The following MGST2 variants were observed in gnomAD, a reference collection of about 807,000 sequenced individuals.
The protein encoded by MGST2 is glutathione peroxidase MGST2.
A neutral mutation model predicts 16.6 loss-of-function variants in MGST2; 9 were observed. That is an observed-to-expected ratio of 0.54 (90% confidence interval 0.33 to 0.95). The LOEUF is 0.95. MGST2 is among the 40% of genes least tolerant of loss of function. The pLI is 0.03. For synonymous variants in MGST2, 79 were observed against 68.0 expected, an observed-to-expected ratio of 1.16 and a Z score of -0.79; for missense variants, 159 against 175.1, an observed-to-expected ratio of 0.91 and a Z score of 0.52.
intron 5 of MGST2, chr4:139,717,684 C>T (rs1728039521): frequency 1.3e-5 from 2 of 152,330 alleles, no homozygotes; most frequent in Admixed American, 1.3e-4. Flanking sequence ...GCCAGTCCAA[C>T]CCCACAGGCT....
intron 5 of MGST2, among the ~76,000 whole-genome samples, chr4:139,710,051 T>C (rs1390788827): frequency 6.6e-6 from 1 of 152,102 alleles, no homozygotes; most frequent in Non-Finnish European, 1.5e-5. Context: ...CCCAAAGAGG[T>C]AGCTCTGTTC....
chr4:139,713,497 A>G (rs13141541), intron 5 of MGST2, among the ~76,000 whole-genome samples: 9 of 149,524 alleles, frequency 6.0e-5, no homozygotes, highest in Admixed American at 1.3e-4. Context: ...AAAAAAAAAA[A>G]GGAGAAAAAT....
At chr4:139,719,543 G>T in intron 5 of MGST2, 1 of 1,613,860 alleles carries the variant, frequency 6.2e-7, no homozygotes. Flanking sequence ...CTGCTGCTGT[G>T]CTGGGGGCTG....
At chr4:139,706,001 C>A (rs1459687772), downstream of MGST2, among the ~76,000 whole-genome samples, 1 of 152,230 alleles carries the variant, frequency 6.6e-6, no homozygotes, top group Middle Eastern at 3.4e-3. Flanking sequence ...GGGCTTGAGT[C>A]TGGTGTGGGC....
Position 139,729,395 on chromosome 4 carries a change from G to T in MGST2, c.*49-10817G>T, listed in dbSNP as rs141280976. Among the ~76,000 whole-genome samples the T allele has an allele frequency of 5.2e-3, 790 of 152,252 alleles. 5 individuals carry two copies. Among genetic ancestry groups the T allele is most frequent in the African/African-American group, 0.018 (751 of 41,532 alleles). ...AGCACTTTGGGAGGCTGAGATGGGA[G>T]GATCGCTTGAGGCCAGAAGTTCGAG... On this transcript the variant is annotated intron_variant, in intron 5 of 5. Transcript: ENST00000616265.
intron 2 of MGST2, among the ~76,000 whole-genome samples, chr4:139,693,855 C>G (rs182030449): frequency 3.1e-4 from 47 of 152,290 alleles, no homozygotes; most frequent in African/African-American, 1.1e-3. Flanking sequence ...TTATCCATTT[C>G]CAATTTTTTA....
chr4:139,738,777 A>C (rs1036044734), intron 5 of MGST2, among the ~76,000 whole-genome samples: 14 of 152,120 alleles, frequency 9.2e-5, no homozygotes, highest in African/African-American at 3.4e-4. Context: ...GCTAACACTC[A>C]TTTTTTACAC....
At chr4:139,693,638 A>T (rs1237065177) in intron 2 of MGST2, among the ~76,000 whole-genome samples, 3 of 152,224 alleles carry the variant, frequency 2.0e-5, no homozygotes, top group Non-Finnish European at 4.4e-5. Flanking sequence ...TGGAAAGACA[A>T]CCATCAGAAG....
chr4:139,674,939 C>T (rs981815363), intron 1 of MGST2, among the ~76,000 whole-genome samples: 1 of 152,114 alleles, frequency 6.6e-6, no homozygotes, highest in Non-Finnish European at 1.5e-5. Flanking sequence ...GTGTGTGATT[C>T]TCTGCAGGCC....
At chr4:139,750,464 C>T in the MGST2 span, among the ~76,000 whole-genome samples, 2 of 152,188 alleles carry the variant, frequency 1.3e-5, no homozygotes, top group Non-Finnish European at 2.9e-5. Flanking sequence ...GCCTTTGGTG[C>T]AGTTTTGGGC....
intron 2 of MGST2, among the ~76,000 whole-genome samples, chr4:139,690,094 C>T (rs549646216): frequency 6.6e-6 from 1 of 152,016 alleles, no homozygotes; most frequent in Non-Finnish European, 1.5e-5. Context: ...TGGGTTCAAG[C>T]GATTCTTCTG....
At chr4:139,747,667 C>T in the MGST2 span, among the ~76,000 whole-genome samples, 1 of 151,400 alleles carries the variant, frequency 6.6e-6, no homozygotes, top group African/African-American at 2.4e-5. Context: ...GCACTCCAGC[C>T]TGGGCAAGAG....
intron 1 of MGST2, among the ~76,000 whole-genome samples, 186 bp downstream of exon 1, chr4:139,666,263 C>T (rs1730344929): frequency 6.6e-6 from 1 of 151,962 alleles, no homozygotes; most frequent in South Asian, 2.1e-4. Context: ...GCCTGCTACC[C>T]TCCTTCCCAG....
At chr4:139,745,300 A>ATAG (rs1729285849), downstream of MGST2, among the ~76,000 whole-genome samples, 1 of 151,752 alleles carries the variant, frequency 6.6e-6, no homozygotes. Context: ...ATCAGGAGCC[A>ATAG]CAGCAGGTTC....
At chr4:139,703,149 C>T (rs962804291) in intron 3 of MGST2, among the ~76,000 whole-genome samples, 1 of 151,768 alleles carries the variant, frequency 6.6e-6, no homozygotes, top group African/African-American at 2.4e-5. Context: ...TGGTCTTGAA[C>T]TCCTGACCTC....
At chr4:139,744,521 G>C (rs1729262446), downstream of MGST2, among the ~76,000 whole-genome samples, 2 of 152,184 alleles carry the variant, frequency 1.3e-5, no homozygotes, top group Admixed American at 1.3e-4. Flanking sequence ...ACCTCCCCCT[G>C]AAGTCTGAGC....
chr4:139,670,621 A>G (rs1730635464), intron 1 of MGST2, among the ~76,000 whole-genome samples: 1 of 152,208 alleles, frequency 6.6e-6, no homozygotes, highest in Non-Finnish European at 1.5e-5. Context: ...GCTTACATTA[A>G]GAGAAGGGGT....
At chr4:139,745,277 T>A (rs1729284734), downstream of MGST2, among the ~76,000 whole-genome samples, 1 of 129,860 alleles carries the variant, frequency 7.7e-6, no homozygotes, top group Non-Finnish European at 1.7e-5. Flanking sequence ...TCCAGCCGAC[T>A]CGACCACCGT....
chr4:139,702,695 G>A (rs887407639), intron 3 of MGST2, among the ~76,000 whole-genome samples: 3 of 151,692 alleles, frequency 2.0e-5, no homozygotes, highest in African/African-American at 4.9e-5. Flanking sequence ...TAAATACATA[G>A]GAATGAGATT....
Sources: gnomAD v4.1 joint callset for allele counts (sites outside exome capture counted in the v4.1 genomes callset) on GRCh38, gnomAD v4.1.1 for gene constraint, MANE v1.5 for transcripts, NCBI Gene and HGNC (gene_info 2026-07-23, HGNC 2026-07-21) for gene names.